The following ZDHHC1 variants were observed in gnomAD, a reference collection of about 807,000 sequenced individuals.
ZDHHC1 encodes the protein palmitoyltransferase ZDHHC1.
Under a neutral mutation model 46.9 loss-of-function variants are expected in ZDHHC1, and 45 were observed. The observed-to-expected ratio is 0.96, with a 90% CI of 0.76 to 1.23. The LOEUF (loss-of-function observed/expected upper bound fraction) is 1.23, where lower values mean the gene tolerates loss of function less well. Ranked by LOEUF, ZDHHC1 falls within the 50% of genes most tolerant of loss-of-function variation. ZDHHC1 has a pLI of 0.00. For synonymous variants in ZDHHC1, 291 were observed against 286.0 expected (o/e 1.02, Z -0.18); for missense variants, 649 against 670.8 (o/e 0.97, Z 0.36).
intron 1 of ZDHHC1, among the ~76,000 whole-genome samples, chr16:67,413,043 T>C (rs2040774526): frequency 6.6e-6 from 1 of 151,902 alleles, no homozygotes; most frequent in Non-Finnish European, 1.5e-5. Context: ...CCTCAGGTGA[T>C]CCACCCGCCT....
At chr16:67,405,461 T>A (rs1352593776) in intron 3 of ZDHHC1, among the ~76,000 whole-genome samples, 1 of 152,020 alleles carries the variant, frequency 6.6e-6, no homozygotes, top group Admixed American at 6.6e-5. Flanking sequence ...CCCACAGGAG[T>A]CATCTTTGTG....
intron 1 of ZDHHC1, among the ~76,000 whole-genome samples, chr16:67,411,661 A>C (rs1172898007): frequency 6.6e-6 from 1 of 152,214 alleles, no homozygotes; most frequent in Non-Finnish European, 1.5e-5. Context: ...GACAAAAGAC[A>C]ATACAAATAA....
rs75813299 is a variant in ZDHHC1 at position 67,414,462 on chromosome 16, T to C, written c.-39+1709A>G. Among the ~76,000 whole-genome samples, 396 of 152,320 alleles carry C rather than the reference T, an allele frequency of 2.6e-3. 15 individuals carry two copies. The East Asian group carries it at 0.059, about 23-fold the overall frequency. ...AGTCAAGCCACTTTTTTACCATCTC[T>C]GCTGTCATTACCCCAATCCAAACCT... On this transcript the variant is annotated intron_variant, in intron 1 of 11. Coordinates refer to ENST00000565726, the MANE Select transcript of ZDHHC1 (RefSeq NM_001323627.2).
At position 67,416,325 on chromosome 16, in the gene ZDHHC1, CG is replaced by C; in HGVS notation, c.-194del. ...GACTGGGCGGCAACGCGCCCGGGAGCGGGGCCCCATCCCGGACGGAGACTGG... is the reference window on the plus strand; with the variant it reads ...GACTGGGCGGCAACGCGCCCGGGAGCGGGCCCCATCCCGGACGGAGACTGG... On this transcript the variant is annotated 5_prime_UTR_variant, in exon 1 of 12. It removes the in-frame stop codon of an upstream open reading frame in the 5' UTR. Coordinates refer to ENST00000565726, the MANE Select transcript of ZDHHC1 (RefSeq NM_001323627.2). 6.0e-6 allele frequency: 1 copy of C among 165,742 alleles called. No individual in the cohort carries two copies. The highest frequency in any genetic ancestry group is 1.3e-5 in the Non-Finnish European group (1 of 74,810). 10.3% of individuals were successfully genotyped at this position (165,742 alleles called of 1,614,324 possible). A position where few individuals can be genotyped will look rare whatever the true frequency, so the allele number is the denominator to read the frequency against.
intron 1 of ZDHHC1, among the ~76,000 whole-genome samples, chr16:67,409,608 G>A (rs1485423829): frequency 6.6e-6 from 1 of 152,242 alleles, no homozygotes; most frequent in Non-Finnish European, 1.5e-5. Flanking sequence ...AGGGCTGGGA[G>A]GTCGGAGAGA....
intron 4 of ZDHHC1, among the ~76,000 whole-genome samples, chr16:67,400,369 G>A (rs1243534581): frequency 6.6e-6 from 1 of 152,188 alleles, no homozygotes; most frequent in Non-Finnish European, 1.5e-5. Context: ...AAGGTGGCGG[G>A]GCGCAGCACG....
intron 1 of ZDHHC1, among the ~76,000 whole-genome samples, chr16:67,410,948 A>C (rs1275377482): frequency 6.6e-6 from 1 of 152,148 alleles, no homozygotes; most frequent in Admixed American, 6.5e-5. Context: ...GATTACAGGC[A>C]TGAGCCACCA....
chr16:67,396,443 A>G (rs1443695753), intron 8 of ZDHHC1, among the ~76,000 whole-genome samples: 2 of 152,168 alleles, frequency 1.3e-5, no homozygotes, highest in Non-Finnish European at 2.9e-5. Flanking sequence ...AGCCGTTTCC[A>G]TGGAGACGGA....
chr16:67,413,932 C>T (rs947380783), intron 1 of ZDHHC1, among the ~76,000 whole-genome samples: 3 of 140,714 alleles, frequency 2.1e-5, no homozygotes, highest in Non-Finnish European at 4.6e-5. Flanking sequence ...GAGCGAGACT[C>T]CGTCTCAAAA....
chr16:67,413,922 G>C (rs1389150249), intron 1 of ZDHHC1, among the ~76,000 whole-genome samples: 2 of 137,248 alleles, frequency 1.5e-5, no homozygotes, highest in African/African-American at 5.4e-5. Flanking sequence ...CTGGGCAACA[G>C]AGCGAGACTC....
intron 1 of ZDHHC1, among the ~76,000 whole-genome samples, chr16:67,408,635 T>A (rs146942855): frequency 6.6e-6 from 1 of 151,908 alleles, no homozygotes; most frequent in East Asian, 1.9e-4. Flanking sequence ...TACAGCGGCG[T>A]GTTGCCATGC....
chr16:67,398,019 G>A (rs572421857), intron 8 of ZDHHC1, among the ~76,000 whole-genome samples, 193 bp downstream of exon 8: 7 of 152,236 alleles, frequency 4.6e-5, no homozygotes, highest in South Asian at 2.1e-4. Flanking sequence ...CGTGGGGTCC[G>A]GGAAACACAG....
At chr16:67,413,523 G>A (rs984259964) in intron 1 of ZDHHC1, among the ~76,000 whole-genome samples, 12 of 152,130 alleles carry the variant, frequency 7.9e-5, no homozygotes, top group East Asian at 5.8e-4. Context: ...CTCAACTAAC[G>A]GATGCGCATC....
Position 67,394,873 on chromosome 16 carries a change from G to A in ZDHHC1, c.1186C>T (p.Arg396Cys), listed in dbSNP as rs1339202620. ...PASGPRAPSR[R>C]SSSSTDSADA... Reference sequence around the variant, plus strand: ...GCGGAATCCGTCGACGAGCTGGAGCGGCGGCTGGGGGCCCTAGGCCCTGCG... The same window carrying A: ...GCGGAATCCGTCGACGAGCTGGAGCAGCGGCTGGGGGCCCTAGGCCCTGCG... The change falls in exon 12 of 12, where the codon CGC (arginine) becomes TGC (cysteine). Residue 396 changes from arginine (R) to cysteine (C), a missense_variant. Coordinates refer to ENST00000565726, the MANE Select transcript of ZDHHC1 (RefSeq NM_001323627.2). 2 of 1,561,062 alleles carry A rather than the reference G, an allele frequency of 1.3e-6. No homozygotes were observed. Among genetic ancestry groups the A allele is most frequent in the Admixed American group, 1.9e-5 (1 of 52,786 alleles).
In ZDHHC1 at chr16:67,398,959, G is replaced by C. The variant is rs1418513483; in HGVS notation, c.531-15C>G. 6.2e-7 allele frequency: 1 copy of C among 1,610,900 alleles called. No individual in the cohort carries two copies. Among genetic ancestry groups the C allele is most frequent in the South Asian group, 1.1e-5 (1 of 90,396 alleles). ...GTAGAAAGAGCCTGGGCCCAGCCATGGGTCGCTGTCAGCTCCCCGGAGCTC... is the reference window on the plus strand; with the variant it reads ...GTAGAAAGAGCCTGGGCCCAGCCATCGGTCGCTGTCAGCTCCCCGGAGCTC... On this transcript the variant is annotated splice_polypyrimidine_tract_variant and intron_variant, in intron 5 of 11. Transcript: ENST00000565726.
chr16:67,398,537 C>A (rs748659722), intron 7 of ZDHHC1, 36 bp downstream of exon 7: 10 of 1,565,996 alleles, frequency 6.4e-6, no homozygotes, highest in Admixed American at 1.9e-5. Flanking sequence ...TCTGAGGACC[C>A]CTGCGTTCCA....
intron 8 of ZDHHC1, 89 bp from the exon 9 acceptor site, chr16:67,395,655 T>C: frequency 7.9e-7 from 1 of 1,272,250 alleles, no homozygotes. Flanking sequence ...CTGCCCTCAT[T>C]GGCCTCTGTG....
At chr16:67,407,846 G>T in intron 1 of ZDHHC1, 33 bp from the exon 2 acceptor site, 1 of 768,180 alleles carries the variant, frequency 1.3e-6, no homozygotes, top group South Asian at 1.4e-5. Flanking sequence ...CACAGTAAAT[G>T]GTGTGGAATC....
At chr16:67,411,091 CA>C (rs936777144) in intron 1 of ZDHHC1, among the ~76,000 whole-genome samples, 5 of 147,932 alleles carry the variant, frequency 3.4e-5, no homozygotes, top group East Asian at 3.9e-4. Context: ...CTGCTCCCAA[CA>C]AAAAAAAAAC....
Sources: gnomAD v4.1 joint callset for allele counts (sites outside exome capture counted in the v4.1 genomes callset) on GRCh38, gnomAD v4.1.1 for gene constraint, MANE v1.5 for transcripts, NCBI Gene and HGNC (gene_info 2026-07-23, HGNC 2026-07-21) for gene names.